The following NLRP13 variants were observed in gnomAD, a reference collection of about 807,000 sequenced individuals.
NLRP13 encodes the protein NLR family pyrin domain containing 13.
A neutral mutation model predicts 94.4 loss-of-function variants in NLRP13; 82 were observed. The ratio of observed to expected loss-of-function variants is 0.87; its 90% CI spans 0.73 to 1.04. The LOEUF (loss-of-function observed/expected upper bound fraction) is 1.04, where lower values mean the gene tolerates loss of function less well. NLRP13 is among the 50% of genes least tolerant of loss of function. The pLI is 0.00. For missense variants in NLRP13, 1,426 were observed against 1,230.8 expected, an observed-to-expected ratio of 1.16 and a Z score of -2.37; for synonymous variants, 553 against 464.7, an observed-to-expected ratio of 1.19 and a Z score of -2.45.
chr19:55,915,448 A>T (rs1251446171), intron 4 of NLRP13, among the ~76,000 whole-genome samples: 4 of 151,948 alleles, frequency 2.6e-5, no homozygotes, highest in African/African-American at 9.7e-5. Flanking sequence ...AAATACAAAG[A>T]TTAGCCAGGC....
chr19:55,904,953 T>C lies in NLRP13; in HGVS notation c.2607A>G (p.Leu869=). ...TAGGGAAAACTTACTCCAGTCTCTC[T>C]AAGGCACACTTGGGGTGAGTCAGGG... ...CAALTHPKCA[L]ERLELWFCQL... is the part of the protein sequence containing the mutation. The change falls in exon 8 of 11, where the codon TTA becomes TTG. Residue 869 remains leucine, a synonymous_variant. Coordinates refer to ENST00000342929, the MANE Select transcript of NLRP13 (RefSeq NM_176810.2). 1 of 1,613,854 alleles carries C rather than the reference T, an allele frequency of 6.2e-7. No individual in the cohort carries two copies. The highest frequency in any genetic ancestry group is 8.5e-7 in the Non-Finnish European group (1 of 1,179,796).
At chr19:55,924,558 C>A in intron 3 of NLRP13, 32 bp downstream of exon 3, 1 of 1,512,146 alleles carries the variant, frequency 6.6e-7, no homozygotes, top group African/African-American at 1.4e-5. Flanking sequence ...CATCAAGCAA[C>A]CTGTCAATTA....
chr19:55,915,289 G>A (rs1002031105), intron 4 of NLRP13, among the ~76,000 whole-genome samples: 4 of 152,108 alleles, frequency 2.6e-5, no homozygotes, highest in African/African-American at 9.7e-5. Flanking sequence ...CCAGTTCTTA[G>A]AACCAAAATT....
chr19:55,892,540 G>T (rs1364751414), downstream of NLRP13, among the ~76,000 whole-genome samples: 4 of 152,064 alleles, frequency 2.6e-5, no homozygotes, highest in East Asian at 7.7e-4. Context: ...TCCTGCCTTA[G>T]GCTCCTGAAT....
downstream of NLRP13, chr19:55,891,747 T>C: frequency 4.0e-6 from 1 of 251,798 alleles, no homozygotes; most frequent in Non-Finnish European, 7.5e-6. Flanking sequence ...ATTAAAAACA[T>C]TACACCAAGG....
At position 55,910,642 on chromosome 19, in the gene NLRP13, T is replaced by C. The variant is rs1393649939; in HGVS notation, c.2203A>G (p.Asn735Asp). Residue 735 changes from asparagine (N) to aspartate (D), a missense_variant, in exon 6 of 11, where the codon AAC (asparagine) becomes GAC (aspartate). By Grantham distance (23) the Asn-to-Asp change is conservative (BLOSUM62 1). Transcript: ENST00000342929. ...NENLHELDLS[N>D]SKLHASSVKG... The stretch of plus-strand genomic sequence containing the variant: ...ACAGAGGAAGCATGAAGTTTGCTGT[T>C]ACTCAGGTCTAGCTCATGCAGATTC... 2 of 1,613,764 alleles carry C rather than the reference T, an allele frequency of 1.2e-6. No homozygotes were observed. The highest frequency in any genetic ancestry group is 2.7e-5 in the African/African-American group (2 of 74,920).
At position 55,907,828 on chromosome 19, in the gene NLRP13, G is replaced by A. The variant is rs1986396648; in HGVS notation, c.2411C>T (p.Ala804Val). The change falls in exon 7 of 11, where the codon GCT becomes GTT. Residue 804 changes from alanine to valine, a missense_variant. Ala to Val is a moderately conservative substitution (Grantham distance 64). Transcript: ENST00000342929. Reference protein sequence around the residue: ...LGMTVPLILKALRHSACNLKY... With the variant: ...LGMTVPLILKVLRHSACNLKY... ...GAGGTTGCAAGCTGAGTGTCTCAAA[G>A]CTTTAAGAATCAGGGGGACAGTCAT... 6.2e-7 allele frequency: 1 copy of A among 1,613,972 alleles called. No homozygotes were observed.
chr19:55,929,348 C>T (rs1433673091), intron 1 of NLRP13, among the ~76,000 whole-genome samples: 1 of 152,116 alleles, frequency 6.6e-6, no homozygotes, highest in African/African-American at 2.4e-5. Context: ...CAGCACTGTT[C>T]ACAATAGCAA....
At chr19:55,898,200 G>GTTTTT (rs149121317) in intron 10 of NLRP13, among the ~76,000 whole-genome samples, 60 of 135,552 alleles carry the variant, frequency 4.4e-4, no homozygotes, top group African/African-American at 8.5e-4. Context: ...GAGAGTTTTT[G>GTTTTT]TTTTTGTTTT....
rs934348146 is a variant in NLRP13, at chr19:55,929,000, A to G, written c.319+2993T>C. ...GAACAGACACTTCTCAAAAGAAGAC[A>G]TTTATGCAGCCAACAAACATGAAAA... On this transcript the variant is annotated intron_variant, in intron 1 of 10. Coordinates refer to ENST00000342929, the MANE Select transcript of NLRP13 (RefSeq NM_176810.2). 2.0e-5 allele frequency among the ~76,000 whole-genome samples: 3 copies of G among 152,262 alleles called. No individual in the cohort carries two copies. The East Asian group carries it at 5.8e-4, about 29-fold the overall frequency.
At chr19:55,923,438 T>G (rs985781234) in intron 4 of NLRP13, among the ~76,000 whole-genome samples, 3 of 152,212 alleles carry the variant, frequency 2.0e-5, no homozygotes, top group South Asian at 4.1e-4. Flanking sequence ...GAAGTTTATC[T>G]GAATAGCTTG....
chr19:55,911,678 T>G, intron 5 of NLRP13, 28 bp downstream of exon 5: 1 of 1,541,374 alleles, frequency 6.5e-7, no homozygotes, highest in Non-Finnish European at 8.7e-7. Flanking sequence ...AGGAGAAAGC[T>G]GAGAAAGAAA....
chr19:55,899,563 T>TGA (rs1246850245), intron 9 of NLRP13, among the ~76,000 whole-genome samples: 2 of 151,730 alleles, frequency 1.3e-5, no homozygotes, highest in African/African-American at 4.8e-5. Context: ...GGGTGGATCA[T>TGA]GAGGTCAGGA....
chr19:55,906,447 A>G (rs1441765958), intron 7 of NLRP13, among the ~76,000 whole-genome samples: 1 of 152,006 alleles, frequency 6.6e-6, no homozygotes, highest in Non-Finnish European at 1.5e-5. Flanking sequence ...GGGATCCCTA[A>G]GGTTCCCCAA....
At position 55,913,291 on chromosome 19, in the gene NLRP13, G is replaced by A; in HGVS notation, c.526C>T (p.His176Tyr). The change falls in exon 5 of 11, where the codon CAC (histidine) becomes TAC (tyrosine). Residue 176 changes from histidine (H) to tyrosine (Y), a missense_variant and splice_region_variant. Physicochemically the swap from His to Tyr is moderately conservative, Grantham distance 83. Coordinates refer to ENST00000342929, the MANE Select transcript of NLRP13 (RefSeq NM_176810.2). ...ATGTTCTCTCTGTATTTTCTTCTGTGGTCTAGAGAGGGCGGAGTGGGGAGA... is the reference window on the plus strand; with the variant it reads ...ATGTTCTCTCTGTATTTTCTTCTGTAGTCTAGAGAGGGCGGAGTGGGGAGA... ...EEPEMLEEAD[H>Y]RRKYRENMKA... is the part of the protein sequence containing the mutation. 1.2e-6 allele frequency: 2 copies of A among 1,612,334 alleles called. No individual in the cohort carries two copies. Among genetic ancestry groups the A allele is most frequent in the Non-Finnish European group, 1.7e-6 (2 of 1,179,022 alleles).
At chr19:55,913,984 A>G (rs887264916) in intron 4 of NLRP13, among the ~76,000 whole-genome samples, 7 of 152,102 alleles carry the variant, frequency 4.6e-5, no homozygotes, top group African/African-American at 1.7e-4. Context: ...AGAGTCCCCC[A>G]CTCACAGAAG....
rs759710648 is a variant in NLRP13, at chr19:55,904,933, A to T, written c.2618+9T>A. The T allele has an allele frequency of 4.4e-6, 7 of 1,608,430 alleles. No individual in the cohort carries two copies. In the South Asian group the frequency reaches 7.7e-5, roughly 18 times the overall value. ...GTCATATCTAGAAATGGAAGTAGGG[A>T]AAACTTACTCCAGTCTCTCTAAGGC... is the stretch of plus-strand genomic sequence containing the variant. On this transcript the variant is annotated intron_variant, in intron 8 of 10. Transcript: ENST00000342929.
chr19:55,902,291 A>T, intron 8 of NLRP13, 86 bp from the exon 9 acceptor site: 2 of 1,032,078 alleles, frequency 1.9e-6, no homozygotes, highest in African/African-American at 2.2e-5. Flanking sequence ...GCCCCCTCCG[A>T]GCCTACACAT....
At chr19:55,903,608 C>A (rs1332468530) in intron 8 of NLRP13, among the ~76,000 whole-genome samples, 3 of 152,216 alleles carry the variant, frequency 2.0e-5, no homozygotes, top group Non-Finnish European at 2.9e-5. Context: ...CTCCTATACC[C>A]CCAACCCAAA....
Sources: gnomAD v4.1 joint callset for allele counts (sites outside exome capture counted in the v4.1 genomes callset) on GRCh38, gnomAD v4.1.1 for gene constraint, MANE v1.5 for transcripts, NCBI Gene and HGNC (gene_info 2026-07-23, HGNC 2026-07-21) for gene names.